KCNN2: variants seen among roughly 807,000 people sequenced by gnomAD.
KCNN2 encodes the protein small conductance calcium-activated potassium channel protein 2.
KCNN2 carries 24 observed loss-of-function variants against 55.5 expected under a neutral mutation model. The ratio of observed to expected loss-of-function variants is 0.43; its 90% CI spans 0.31 to 0.61. The LOEUF (loss-of-function observed/expected upper bound fraction) is 0.61, where lower values mean the gene tolerates loss of function less well. KCNN2 is among the 20% of genes least tolerant of loss of function. The probability of loss-of-function intolerance (pLI) is 0.08; values close to 1 mark genes in which losing one functional copy is unlikely to be tolerated. For missense variants in KCNN2, 754 were observed against 853.6 expected (o/e 0.88, Z 1.45); for synonymous variants, 431 against 336.1 (o/e 1.28, Z -3.09).
At chr5:114,089,846 A>C (rs557426238) in intron 1 of KCNN2, among the ~76,000 whole-genome samples, 1 of 152,296 alleles carries the variant, frequency 6.6e-6, no homozygotes, top group African/African-American at 2.4e-5. Flanking sequence ...ACTGAGAAAA[A>C]CTTCCAGAAT....
At position 114,444,199 on chromosome 5, in the gene KCNN2, C is replaced by T. The variant is rs572568883; in HGVS notation, c.1638-18850C>T. Among the ~76,000 whole-genome samples, 3 of 152,182 alleles carry T rather than the reference C, an allele frequency of 2.0e-5. 1 individual carries two copies. The South Asian group carries it at 6.2e-4, about 32-fold the overall frequency. ...ACCATGTAACAGGCATGGTTCTAAC[C>T]AGCACAGGGCATATTGCTTTGAGCA... On this transcript the variant is annotated intron_variant, in intron 3 of 7. Coordinates refer to ENST00000673685, the MANE Select transcript of KCNN2 (RefSeq NM_021614.4).
intron 3 of KCNN2, among the ~76,000 whole-genome samples, chr5:114,414,011 A>G (rs985948535): frequency 1.3e-5 from 2 of 152,222 alleles, no homozygotes; most frequent in African/African-American, 4.8e-5. Flanking sequence ...CATTCAAGCC[A>G]TTTTGTCTTT....
intron 1 of KCNN2, among the ~76,000 whole-genome samples, chr5:114,147,646 C>G (rs1228916598): frequency 6.6e-6 from 1 of 152,136 alleles, no homozygotes; most frequent in South Asian, 2.1e-4. Context: ...TTCAGATAGA[C>G]AGTGAGGACT....
At chr5:114,114,427 C>G (rs781221674) in intron 1 of KCNN2, among the ~76,000 whole-genome samples, 1 of 151,856 alleles carries the variant, frequency 6.6e-6, no homozygotes, top group Admixed American at 6.6e-5. Context: ...TTTGTGGAGA[C>G]AAGGTCTCGC....
chr5:114,220,825 CAAAAA>C (rs11311434), intron 1 of KCNN2, among the ~76,000 whole-genome samples: 1 of 91,902 alleles, frequency 1.1e-5, no homozygotes, highest in Non-Finnish European at 2.3e-5. Flanking sequence ...GACTCCATCT[CAAAAA>C]AAAAAAAAAA....
chr5:114,393,409 C>T (rs962889836), intron 2 of KCNN2, among the ~76,000 whole-genome samples: 5 of 152,070 alleles, frequency 3.3e-5, no homozygotes, highest in East Asian at 1.9e-4. Flanking sequence ...TCATTCAGAA[C>T]GTCAGTGATT....
At chr5:114,424,785 C>T (rs1435934890) in intron 3 of KCNN2, among the ~76,000 whole-genome samples, 1 of 152,162 alleles carries the variant, frequency 6.6e-6, no homozygotes, top group Non-Finnish European at 1.5e-5. Context: ...GAAGAGGAGT[C>T]TAAGGTTTCT....
At chr5:114,146,656 C>T (rs1296265760) in intron 1 of KCNN2, among the ~76,000 whole-genome samples, 1 of 152,132 alleles carries the variant, frequency 6.6e-6, no homozygotes, top group African/African-American at 2.4e-5. Flanking sequence ...CAGGGATTAA[C>T]TCCAGTGTTG....
At chr5:114,369,370 T>C (rs1209111491) in intron 2 of KCNN2, among the ~76,000 whole-genome samples, 1 of 152,124 alleles carries the variant, frequency 6.6e-6, no homozygotes, top group Admixed American at 6.5e-5. Context: ...CAGAAGCAAA[T>C]GTTTCCCAAG....
intron 1 of KCNN2, among the ~76,000 whole-genome samples, chr5:114,200,167 G>A (rs955789193): frequency 2.0e-5 from 3 of 152,024 alleles, no homozygotes; most frequent in African/African-American, 7.2e-5. Flanking sequence ...TGTAGTCCCA[G>A]ATGTCACAAA....
intron 2 of KCNN2, among the ~76,000 whole-genome samples, chr5:114,256,519 C>T (rs1754986290): frequency 1.3e-5 from 2 of 152,128 alleles, no homozygotes; most frequent in Non-Finnish European, 2.9e-5. Context: ...TTCCTTTTCT[C>T]TGCATCCTTG....
intron 3 of KCNN2, among the ~76,000 whole-genome samples, chr5:114,428,713 T>G (rs777894722): frequency 4.6e-5 from 7 of 152,250 alleles, no homozygotes; most frequent in Middle Eastern, 6.8e-3. Context: ...GTCTACCTAT[T>G]AATCCCTTTC....
chr5:114,458,384 TG>T (rs1761024738), intron 3 of KCNN2, among the ~76,000 whole-genome samples: 1 of 152,208 alleles, frequency 6.6e-6, no homozygotes, highest in African/African-American at 2.4e-5. Flanking sequence ...ACACAGATCT[TG>T]GAACATAACA....
chr5:114,473,307 C>A, intron 5 of KCNN2, 143 bp downstream of exon 5: 1 of 649,208 alleles, frequency 1.5e-6, no homozygotes, highest in South Asian at 1.8e-5. Flanking sequence ...TCCATTTTAT[C>A]ACATTTTGAG....
chr5:114,251,349 A>C (rs1754855804), intron 2 of KCNN2, among the ~76,000 whole-genome samples: 1 of 152,232 alleles, frequency 6.6e-6, no homozygotes, highest in Admixed American at 6.5e-5. Context: ...GCTTGGTTTG[A>C]ATCCTCCTAT....
intron 2 of KCNN2, among the ~76,000 whole-genome samples, chr5:114,350,495 T>C (rs983331796): frequency 6.6e-6 from 1 of 151,972 alleles, no homozygotes; most frequent in African/African-American, 2.4e-5. Context: ...TTTTCCTTTG[T>C]AGCTTATGCT....
At chr5:114,286,023 G>A (rs968222764) in intron 2 of KCNN2, among the ~76,000 whole-genome samples, 1 of 151,294 alleles carries the variant, frequency 6.6e-6, no homozygotes, top group South Asian at 2.1e-4. Flanking sequence ...GGGTTCAAGC[G>A]ATTATCCTGT....
intron 2 of KCNN2, among the ~76,000 whole-genome samples, chr5:114,322,535 C>T (rs3104222): frequency 0.35 from 52,562 of 151,664 alleles, 10,674 homozygotes; most frequent in East Asian, 0.83. Context: ...CTTCAGGACA[C>T]ACTGCATGCA....
intron 3 of KCNN2, among the ~76,000 whole-genome samples, chr5:114,424,410 T>C (rs1484075080): frequency 2.0e-5 from 3 of 152,194 alleles, no homozygotes; most frequent in Non-Finnish European, 4.4e-5. Flanking sequence ...TAAGAGATAC[T>C]ATATTTTTAA....
Sources: gnomAD v4.1 joint callset for allele counts (sites outside exome capture counted in the v4.1 genomes callset) on GRCh38, gnomAD v4.1.1 for gene constraint, MANE v1.5 for transcripts, NCBI Gene and HGNC (gene_info 2026-07-23, HGNC 2026-07-21) for gene names.